Variants in TRAPPC9 observed in about 807,000 individuals in gnomAD.
TRAPPC9 encodes IKK2 binding protein.
TRAPPC9 carries 83 observed loss-of-function variants against 124.0 expected under a neutral mutation model. The observed-to-expected ratio is 0.67, with a 90% confidence interval of 0.56 to 0.80. TRAPPC9 has a LOEUF of 0.80. Among genes scored for constraint, TRAPPC9 ranks in the 30% least tolerant of loss-of-function variants. The pLI is 0.00. For synonymous variants in TRAPPC9, 638 were observed against 617.5 expected, an observed-to-expected ratio of 1.03 and a Z score of -0.49; for missense variants, 1,302 against 1,508.3, an observed-to-expected ratio of 0.86 and a Z score of 2.27.
At chr8:140,446,712 G>A (rs1226830431) in intron 2 of TRAPPC9, among the ~76,000 whole-genome samples, 1 of 152,000 alleles carries the variant, frequency 6.6e-6, no homozygotes, top group South Asian at 2.1e-4. Context: ...ATGACACCAC[G>A]CCCGGCTAAC....
intron 21 of TRAPPC9, among the ~76,000 whole-genome samples, chr8:139,763,606 A>G (rs1440564122): frequency 7.6e-6 from 1 of 132,422 alleles, no homozygotes; most frequent in African/African-American, 3.6e-5. Context: ...ACACATGCAC[A>G]TAAACACACA....
chr8:140,268,612 G>A (rs2064770327), intron 15 of TRAPPC9, among the ~76,000 whole-genome samples: 1 of 152,040 alleles, frequency 6.6e-6, no homozygotes, highest in African/African-American at 2.4e-5. Flanking sequence ...TTTTTATGCC[G>A]GCTCCTCGTG....
chr8:140,052,777 G>T (rs112931661), intron 17 of TRAPPC9, among the ~76,000 whole-genome samples: 5 of 150,172 alleles, frequency 3.3e-5, no homozygotes, highest in African/African-American at 1.2e-4. Context: ...GCAAGACTCC[G>T]TCTCAAAAAA....
intron 17 of TRAPPC9, among the ~76,000 whole-genome samples, chr8:140,204,982 G>A (rs961051313): frequency 3.9e-5 from 6 of 152,214 alleles, no homozygotes; most frequent in African/African-American, 7.2e-5. Flanking sequence ...AGAAGGTTAC[G>A]CTGGAGGAGC....
At chr8:140,200,140 G>A (rs1046496332) in intron 17 of TRAPPC9, among the ~76,000 whole-genome samples, 3 of 152,132 alleles carry the variant, frequency 2.0e-5, no homozygotes, top group African/African-American at 7.2e-5. Flanking sequence ...AGATAAACAA[G>A]ACAGGAAAGC....
chr8:140,271,098 G>A (rs934813071), intron 15 of TRAPPC9, among the ~76,000 whole-genome samples: 7 of 152,206 alleles, frequency 4.6e-5, no homozygotes, highest in Non-Finnish European at 7.3e-5. Flanking sequence ...AGTTTGCCAC[G>A]TAGACTGTAA....
intron 20 of TRAPPC9, among the ~76,000 whole-genome samples, chr8:139,902,018 C>T (rs1831050015): frequency 6.6e-6 from 1 of 152,214 alleles, no homozygotes; most frequent in Non-Finnish European, 1.5e-5. Context: ...GATTCTATTA[C>T]ATAAGCTACG....
chr8:140,252,612 C>T lies in TRAPPC9; in HGVS notation c.2431+165G>A. 2 of 700,712 alleles carry T rather than the reference C, an allele frequency of 2.9e-6. No homozygotes were observed. The highest frequency in any genetic ancestry group is 1.6e-5 in the South Asian group (1 of 60,664). 43.4% of individuals were successfully genotyped at this position (700,712 alleles called of 1,614,324 possible). A position where few individuals can be genotyped will look rare whatever the true frequency, so the allele number is the denominator to read the frequency against. On this transcript the variant is annotated intron_variant, in intron 16 of 22. Coordinates refer to ENST00000438773, the MANE Select transcript of TRAPPC9 (RefSeq NM_001160372.4). The surrounding 1 kb of genome is among the most constrained non-coding windows in gnomAD (Gnocchi z 4.2). ...TACTTTTATTACTTTCAGACACATACAGTAACACACTCTGTTAACAAAGTG... is the reference window on the plus strand; with the variant it reads ...TACTTTTATTACTTTCAGACACATATAGTAACACACTCTGTTAACAAAGTG...
intron 21 of TRAPPC9, among the ~76,000 whole-genome samples, chr8:139,835,487 A>T (rs1179330955): frequency 6.6e-6 from 1 of 152,206 alleles, no homozygotes; most frequent in Non-Finnish European, 1.5e-5. Flanking sequence ...GCGTGGATGC[A>T]CGGATGGATG....
intron 15 of TRAPPC9, among the ~76,000 whole-genome samples, chr8:140,267,546 C>T (rs1301484216): frequency 6.6e-6 from 1 of 152,198 alleles, no homozygotes; most frequent in African/African-American, 2.4e-5. Context: ...CCACCGCCCA[C>T]CCAAAAAGAC....
At chr8:140,019,492 T>C (rs189660966) in intron 18 of TRAPPC9, among the ~76,000 whole-genome samples, 1 of 151,452 alleles carries the variant, frequency 6.6e-6, no homozygotes, top group East Asian at 1.9e-4. Context: ...GATGTGTGAC[T>C]ATTTATTTTT....
At chr8:140,059,800 G>A (rs1222730026) in intron 17 of TRAPPC9, among the ~76,000 whole-genome samples, 2 of 152,116 alleles carry the variant, frequency 1.3e-5, no homozygotes, top group Non-Finnish European at 2.9e-5. Flanking sequence ...ATTTATTCAC[G>A]TATTCTTGAT....
chr8:140,291,039 A>G lies in TRAPPC9; in HGVS notation c.1808T>C (p.Leu603Pro). ...WVQGDVCEVQLMVYNPMPFEL... is the reference protein window; with the variant it reads ...WVQGDVCEVQPMVYNPMPFEL... ...AAACGGCATTGGGTTATATACCATC[A>G]GCTGAACTTCACACACATCTCCTTG... Residue 603 changes from leucine (L) to proline (P), a missense_variant, in exon 12 of 23, where the codon CTG becomes CCG. By Grantham distance (98) the Leu-to-Pro change is moderately conservative. Around this residue, in one of 3 missense-constraint regions of TRAPPC9, gnomAD observed 657 missense variants for 811.2 expected, o/e 0.81. Transcript: ENST00000438773. 1 of 1,614,266 alleles carries G rather than the reference A, an allele frequency of 6.2e-7. No homozygotes were observed. Among genetic ancestry groups the G allele is most frequent in the Non-Finnish European group, 8.5e-7 (1 of 1,180,050 alleles).
At chr8:140,407,633 T>G (rs1236680173) in intron 5 of TRAPPC9, among the ~76,000 whole-genome samples, 1 of 152,166 alleles carries the variant, frequency 6.6e-6, no homozygotes, top group Admixed American at 6.5e-5. Context: ...ACAGAGTCTC[T>G]CTCTCTGTCA....
chr8:140,066,947 C>T (rs1001094055), intron 17 of TRAPPC9, among the ~76,000 whole-genome samples: 1 of 152,176 alleles, frequency 6.6e-6, no homozygotes, highest in Non-Finnish European at 1.5e-5. Flanking sequence ...CTGACAGGCA[C>T]CCTCTCCAGG....
At chr8:139,889,888 T>C (rs1253189062) in intron 20 of TRAPPC9, among the ~76,000 whole-genome samples, 1 of 152,150 alleles carries the variant, frequency 6.6e-6, no homozygotes, top group African/African-American at 2.4e-5. Context: ...AGCCGCCCTG[T>C]GTGTTCATTC....
intron 19 of TRAPPC9, among the ~76,000 whole-genome samples, chr8:139,929,199 C>T (rs1310039007): frequency 6.6e-6 from 1 of 152,190 alleles, no homozygotes; most frequent in Non-Finnish European, 1.5e-5. Flanking sequence ...ACTTTTCTGT[C>T]ACTTTCCCTG....
intron 17 of TRAPPC9, among the ~76,000 whole-genome samples, chr8:140,060,319 C>A (rs1426971578): frequency 1.3e-5 from 2 of 152,232 alleles, no homozygotes; most frequent in African/African-American, 4.8e-5. Context: ...CAGTGCACAC[C>A]TGCCTGGAGT....
At chr8:140,403,395 C>A (rs2132417579) in intron 6 of TRAPPC9, among the ~76,000 whole-genome samples, 2 of 151,804 alleles carry the variant, frequency 1.3e-5, no homozygotes, top group South Asian at 4.2e-4. Flanking sequence ...TGCTGCTACA[C>A]TCGAGCCTGG....
Sources: allele counts gnomAD v4.1 joint callset (sites outside exome capture counted in the v4.1 genomes callset), GRCh38; gene constraint gnomAD v4.1.1; regional missense constraint gnomAD v4.1.1; non-coding constraint Gnocchi (gnomAD v3.1); transcripts MANE v1.5; gene names NCBI Gene and HGNC (gene_info 2026-07-23, HGNC 2026-07-21).